Variants in COL5A2 observed in about 807,000 individuals in gnomAD.
The protein encoded by COL5A2 is collagen type V alpha 2 chain.
A neutral mutation model predicts 208.2 loss-of-function variants in COL5A2; 23 were observed. The ratio of observed to expected loss-of-function variants is 0.11; its 90% CI spans 0.08 to 0.16. COL5A2 has a LOEUF of 0.16. COL5A2 is among the 10% of genes least tolerant of loss of function. COL5A2 has a pLI of 1.00. For missense variants in COL5A2, 1,590 were observed against 1,956.4 expected, an observed-to-expected ratio of 0.81 and a Z score of 3.53; for synonymous variants, 625 against 628.5, an observed-to-expected ratio of 0.99 and a Z score of 0.08.
intron 51 of COL5A2, among the ~76,000 whole-genome samples, chr2:189,037,373 T>C (rs1292534398): frequency 6.6e-6 from 1 of 152,220 alleles, no homozygotes; most frequent in Non-Finnish European, 1.5e-5. Flanking sequence ...CAATTTAATA[T>C]GCATTTGCAT....
Position 189,068,861 on chromosome 2 carries a change from C to T in COL5A2, c.1182G>A (p.Ala394=), listed in dbSNP as rs148229627. ...GMKGEAGPTG[A]RGPEGPQGQR... ...GCCCCTGAGGACCTTCAGGGCCTCG[C>T]GCCCCTGTAGGACCTGCTTCTCCCT... The change falls in exon 19 of 54, where the codon GCG becomes GCA. Residue 394 remains alanine, a synonymous_variant. Coordinates refer to ENST00000374866, the MANE Select transcript of COL5A2 (RefSeq NM_000393.5). 407 of 1,612,624 alleles carry T rather than the reference C, an allele frequency of 2.5e-4. 1 individual carries two copies. Among genetic ancestry groups the T allele is most frequent in the Middle Eastern group, 1.8e-3 (10 of 5,626 alleles).
the COL5A2 span, among the ~76,000 whole-genome samples, chr2:189,326,690 C>G: frequency 6.6e-6 from 1 of 151,570 alleles, no homozygotes; most frequent in Admixed American, 6.6e-5. Context: ...GCTCCTGTCT[C>G]AAAAAAATTA....
At chr2:189,077,341 G>T (rs1487259393) in intron 16 of COL5A2, among the ~76,000 whole-genome samples, 1 of 152,112 alleles carries the variant, frequency 6.6e-6, no homozygotes, top group Non-Finnish European at 1.5e-5. Flanking sequence ...AGAATGTATG[G>T]GTCTTGGTCC....
chr2:189,064,706 A>C, intron 24 of COL5A2, 51 bp from the exon 25 acceptor site: 2 of 1,220,152 alleles, frequency 1.6e-6, no homozygotes, highest in South Asian at 2.4e-5. Context: ...AGAAAAACAA[A>C]AGCAAGCAGA....
chr2:189,413,948 C>T, the COL5A2 span, among the ~76,000 whole-genome samples: 108 of 151,944 alleles, frequency 7.1e-4, no homozygotes, highest in Non-Finnish European at 1.4e-3. Flanking sequence ...CCCGCCACTG[C>T]GCCCGGCTAA....
the COL5A2 span, among the ~76,000 whole-genome samples, chr2:189,427,469 C>G: frequency 6.6e-6 from 1 of 152,164 alleles, no homozygotes; most frequent in African/African-American, 2.4e-5. Flanking sequence ...GGGGTTGGAG[C>G]CCCCACACAG....
At chr2:189,265,689 A>G in the COL5A2 span, among the ~76,000 whole-genome samples, 1 of 152,218 alleles carries the variant, frequency 6.6e-6, no homozygotes, top group African/African-American at 2.4e-5. Flanking sequence ...ATTTCACCAA[A>G]GAAGATACAC....
At chr2:189,369,349 T>C in the COL5A2 span, among the ~76,000 whole-genome samples, 562 of 152,276 alleles carry the variant, frequency 3.7e-3, 3 homozygotes, top group African/African-American at 0.011. Context: ...CAAATTTCTT[T>C]TAGTTTGCAT....
At chr2:189,233,492 T>G in the COL5A2 span, among the ~76,000 whole-genome samples, 2 of 151,626 alleles carry the variant, frequency 1.3e-5, no homozygotes, top group Admixed American at 6.6e-5. Context: ...GAAAAGCAAA[T>G]GTAATTAGAT....
At chr2:189,252,052 C>A in the COL5A2 span, among the ~76,000 whole-genome samples, 1 of 152,156 alleles carries the variant, frequency 6.6e-6, no homozygotes, top group Non-Finnish European at 1.5e-5. Flanking sequence ...CAAATCAAAA[C>A]CACAATGAGA....
At chr2:189,388,759 G>C in the COL5A2 span, among the ~76,000 whole-genome samples, 1 of 152,116 alleles carries the variant, frequency 6.6e-6, no homozygotes, top group African/African-American at 2.4e-5. Context: ...TTAAGTAATA[G>C]TAATGCTGAT....
At chr2:189,413,603 C>T in the COL5A2 span, among the ~76,000 whole-genome samples, 6 of 151,798 alleles carry the variant, frequency 4.0e-5, no homozygotes, top group South Asian at 1.0e-3. Context: ...CCTTTCACAG[C>T]GAAGTACAAT....
chr2:189,050,295 AATCTTT>A, intron 43 of COL5A2, among the ~76,000 whole-genome samples: 1 of 152,188 alleles, frequency 6.6e-6, no homozygotes, highest in Admixed American at 6.5e-5. Context: ...GGATCTTTTT[AATCTTT>A]GAAGAAGGAT....
the COL5A2 span, among the ~76,000 whole-genome samples, chr2:189,366,809 A>C: frequency 1.3e-5 from 2 of 152,176 alleles, no homozygotes; most frequent in Non-Finnish European, 2.9e-5. Context: ...AAGAATGAGA[A>C]CTTTGTGCTA....
At chr2:189,403,472 G>A in the COL5A2 span, among the ~76,000 whole-genome samples, 4 of 152,168 alleles carry the variant, frequency 2.6e-5, no homozygotes, top group South Asian at 6.2e-4. Context: ...GGAGTGGTGA[G>A]AGAAGGCATC....
chr2:189,083,938 G>A lies in COL5A2; in HGVS notation c.852+46C>T, dbSNP rs1306069822. On this transcript the variant is annotated intron_variant, in intron 12 of 53. Coordinates refer to ENST00000374866, the MANE Select transcript of COL5A2 (RefSeq NM_000393.5). Reference sequence around the variant, plus strand: ...ACAGAGAATTGTGATTTAATTCAATGTTCTTTATTTTTCAAAGTTTGCCTT... The same window carrying A: ...ACAGAGAATTGTGATTTAATTCAATATTCTTTATTTTTCAAAGTTTGCCTT... 1.6e-5 allele frequency: 22 copies of A among 1,373,922 alleles called. No individual in the cohort carries two copies. The Admixed American group carries it at 3.7e-4, about 23-fold the overall frequency. 85.1% of individuals were successfully genotyped at this position (1,373,922 alleles called of 1,614,324 possible). A position where few individuals can be genotyped will look rare whatever the true frequency, so the allele number is the denominator to read the frequency against.
chr2:189,417,823 T>C, the COL5A2 span, among the ~76,000 whole-genome samples: 1 of 152,032 alleles, frequency 6.6e-6, no homozygotes, highest in South Asian at 2.1e-4. Context: ...TGTATATATA[T>C]ATACACATAC....
the COL5A2 span, among the ~76,000 whole-genome samples, chr2:189,342,076 G>A: frequency 6.6e-6 from 1 of 151,686 alleles, no homozygotes; most frequent in Non-Finnish European, 1.5e-5. Flanking sequence ...TACTATTTCT[G>A]TTTAGAATTT....
the COL5A2 span, among the ~76,000 whole-genome samples, chr2:189,337,473 C>T: frequency 2.0e-5 from 3 of 152,018 alleles, no homozygotes; most frequent in Non-Finnish European, 4.4e-5. Flanking sequence ...TGAGCCACCG[C>T]GCCCGGCCGA....
Sources: allele counts gnomAD v4.1 joint callset (sites outside exome capture counted in the v4.1 genomes callset), GRCh38; gene constraint gnomAD v4.1.1; transcripts MANE v1.5; gene names NCBI Gene and HGNC (gene_info 2026-07-23, HGNC 2026-07-21).